MSI2: variants seen among roughly 807,000 people sequenced by gnomAD.
MSI2 encodes RNA-binding protein Musashi homolog 2.
Under a neutral mutation model 45.6 loss-of-function variants are expected in MSI2, and 17 were observed. The ratio of observed to expected loss-of-function variants is 0.37; its 90% confidence interval spans 0.26 to 0.56. The LOEUF (loss-of-function observed/expected upper bound fraction) is 0.56. Among genes scored for constraint, MSI2 ranks in the 20% least tolerant of loss-of-function variants. The probability of loss-of-function intolerance (pLI) is 0.77; values close to 1 mark genes in which losing one functional copy is unlikely to be tolerated. For missense variants in MSI2, 293 were observed against 444.2 expected, an observed-to-expected ratio of 0.66 and a Z score of 3.06; for synonymous variants, 156 against 158.2, an observed-to-expected ratio of 0.99 and a Z score of 0.11.
At chr17:57,425,540 C>A (rs1410234126) in intron 6 of MSI2, among the ~76,000 whole-genome samples, 1 of 152,162 alleles carries the variant, frequency 6.6e-6, no homozygotes, top group Admixed American at 6.5e-5. Context: ...ATGTCAGAGG[C>A]ATTTTTCCAT....
intron 6 of MSI2, among the ~76,000 whole-genome samples, chr17:57,432,026 C>G (rs1478913759): frequency 6.6e-6 from 1 of 152,198 alleles, no homozygotes; most frequent in Non-Finnish European, 1.5e-5. Flanking sequence ...GTGCCTCTCT[C>G]CCCTCAACAC....
At chr17:57,283,442 A>G (rs1909599893) in intron 5 of MSI2, among the ~76,000 whole-genome samples, 1 of 152,158 alleles carries the variant, frequency 6.6e-6, no homozygotes, top group Admixed American at 6.5e-5. Flanking sequence ...TGTCTGTTAT[A>G]ATCGGAAACA....
At chr17:57,474,189 C>A (rs1439235156) in intron 6 of MSI2, among the ~76,000 whole-genome samples, 1 of 152,074 alleles carries the variant, frequency 6.6e-6, no homozygotes, top group Non-Finnish European at 1.5e-5. Flanking sequence ...TTCCTGGGGC[C>A]TCTAGATGTG....
At chr17:57,313,062 G>A (rs902426330) in intron 5 of MSI2, among the ~76,000 whole-genome samples, 9 of 152,050 alleles carry the variant, frequency 5.9e-5, no homozygotes, top group African/African-American at 2.2e-4. Context: ...GACCAGGATG[G>A]TCTTGATCTC....
At position 57,427,306 on chromosome 17, in the gene MSI2, G is replaced by A. The variant is rs151253352; in HGVS notation, c.405+25835G>A. Among the ~76,000 whole-genome samples the A allele has an allele frequency of 8.5e-3, 1,291 of 152,298 alleles. 18 individuals are homozygous for A. The highest frequency in any genetic ancestry group is 0.029 in the African/African-American group (1,207 of 41,536). ...CCAGCTACTTGGGAGGCTGAGGCAG[G>A]AGAATTGCTTGAACCTAGGAGGTGG... On this transcript the variant is annotated intron_variant, in intron 6 of 13. Transcript: ENST00000284073.
intron 5 of MSI2, among the ~76,000 whole-genome samples, chr17:57,383,106 A>G (rs1026542155): frequency 1.3e-5 from 2 of 152,230 alleles, no homozygotes. Context: ...ATTTCCCAGC[A>G]AGGACAGAGA....
At chr17:57,563,707 G>GTCTCTCTC (rs577585040) in intron 7 of MSI2, among the ~76,000 whole-genome samples, 2 of 145,426 alleles carry the variant, frequency 1.4e-5, no homozygotes, top group African/African-American at 5.1e-5. Flanking sequence ...CTGTCTGTCT[G>GTCTCTCTC]TCTCTCTCTC....
chr17:57,319,137 G>A (rs934704257), intron 5 of MSI2, among the ~76,000 whole-genome samples: 5 of 152,236 alleles, frequency 3.3e-5, no homozygotes, highest in African/African-American at 4.8e-5. Flanking sequence ...GACTCTGGGC[G>A]GGCTGAGACA....
At chr17:57,441,481 G>T (rs1056020020) in intron 6 of MSI2, among the ~76,000 whole-genome samples, 2 of 152,078 alleles carry the variant, frequency 1.3e-5, no homozygotes, top group Admixed American at 1.3e-4. Flanking sequence ...AGTATCATTG[G>T]CATATAGACA....
intron 7 of MSI2, among the ~76,000 whole-genome samples, chr17:57,548,868 A>G (rs1025498822): frequency 2.2e-4 from 33 of 149,082 alleles, no homozygotes; most frequent in Admixed American, 6.0e-4. Flanking sequence ...TCACCTCTTC[A>G]CCCCTTACTT....
chr17:57,330,480 T>C (rs531935551), intron 5 of MSI2, among the ~76,000 whole-genome samples: 6 of 152,084 alleles, frequency 3.9e-5, no homozygotes, highest in Middle Eastern at 3.2e-3. Flanking sequence ...GGTTTCGCCA[T>C]GTTGTCCAGG....
intron 5 of MSI2, among the ~76,000 whole-genome samples, chr17:57,371,803 A>G (rs1451768966): frequency 1.3e-5 from 2 of 151,850 alleles, no homozygotes; most frequent in Non-Finnish European, 2.9e-5. Context: ...CTTCCTTAAT[A>G]TGTTTACCTA....
intron 6 of MSI2, among the ~76,000 whole-genome samples, chr17:57,526,585 T>G (rs929252432): frequency 1.3e-5 from 2 of 151,952 alleles, no homozygotes; most frequent in Non-Finnish European, 2.9e-5. Context: ...TGAGACTGTG[T>G]TTTTCATTCT....
chr17:57,635,353 G>A (rs1373126797), intron 10 of MSI2, among the ~76,000 whole-genome samples: 1 of 152,242 alleles, frequency 6.6e-6, no homozygotes, highest in Non-Finnish European at 1.5e-5. Flanking sequence ...GAAGTGGGAG[G>A]CCATGAGGGT....
rs1043292966 is a variant in MSI2, at chr17:57,653,500, G to A, written c.790+1339G>A. 3.9e-5 allele frequency among the ~76,000 whole-genome samples: 6 copies of A among 152,124 alleles called. No individual in the cohort carries two copies. The East Asian group carries it at 5.8e-4, about 15-fold the overall frequency. On this transcript the variant is annotated intron_variant, in intron 11 of 13. Coordinates refer to ENST00000284073, the MANE Select transcript of MSI2 (RefSeq NM_138962.4). The stretch of plus-strand genomic sequence containing the variant: ...CTCAGTCCCCCCAGCCCCGGGCCCC[G>A]GGGGCGGGGTGCACAGCTGCCTCGT...
chr17:57,521,347 C>T (rs1375888019), intron 6 of MSI2, among the ~76,000 whole-genome samples: 1 of 152,184 alleles, frequency 6.6e-6, no homozygotes, highest in African/African-American at 2.4e-5. Context: ...TTGTAATACT[C>T]CCTTTCTCGT....
chr17:57,431,191 C>T (rs1162559425), intron 6 of MSI2, among the ~76,000 whole-genome samples: 1 of 152,158 alleles, frequency 6.6e-6, no homozygotes, highest in African/African-American at 2.4e-5. Flanking sequence ...CACAGATTCA[C>T]AGGTGGGAGC....
intron 10 of MSI2, among the ~76,000 whole-genome samples, chr17:57,645,439 TG>T (rs1227962012): frequency 6.6e-6 from 1 of 151,370 alleles, no homozygotes; most frequent in Non-Finnish European, 1.5e-5. Context: ...TTTTGTTTTT[TG>T]GTTTTTTTTT....
At chr17:57,308,606 T>C (rs1173966019) in intron 5 of MSI2, among the ~76,000 whole-genome samples, 1 of 152,162 alleles carries the variant, frequency 6.6e-6, no homozygotes, top group Non-Finnish European at 1.5e-5. Context: ...ACCATCAGCT[T>C]TTGCTTGGTA....
Sources: allele counts gnomAD v4.1 joint callset (sites outside exome capture counted in the v4.1 genomes callset), GRCh38; gene constraint gnomAD v4.1.1; transcripts MANE v1.5; gene names NCBI Gene and HGNC (gene_info 2026-07-23, HGNC 2026-07-21).